The following CLNK variants were observed in gnomAD, a reference collection of about 807,000 sequenced individuals.
CLNK encodes the protein cytokine-dependent hematopoietic cell linker.
In CLNK, 74 loss-of-function variants were observed where a neutral mutation model predicts 68.6. The ratio of observed to expected loss-of-function variants is 1.08; its 90% CI spans 0.89 to 1.31. The LOEUF is 1.31. Ranked by LOEUF, CLNK falls within the 50% of genes most tolerant of loss-of-function variation. The probability of loss-of-function intolerance (pLI) is 0.00; values close to 1 mark genes in which losing one functional copy is unlikely to be tolerated. For synonymous variants in CLNK, 198 were observed against 172.2 expected, an observed-to-expected ratio of 1.15 and a Z score of -1.17; for missense variants, 553 against 515.3, an observed-to-expected ratio of 1.07 and a Z score of -0.71.
chr4:10,672,174 G>T (rs1190049446), intron 1 of CLNK, among the ~76,000 whole-genome samples: 3 of 152,170 alleles, frequency 2.0e-5, no homozygotes, highest in Admixed American at 1.3e-4. Flanking sequence ...ACGAGGAAGT[G>T]GGGGAGGGAA....
chr4:10,514,464 G>C (rs1476352630), intron 15 of CLNK, among the ~76,000 whole-genome samples: 2 of 147,966 alleles, frequency 1.4e-5, no homozygotes, highest in African/African-American at 2.5e-5. Flanking sequence ...ACAACTATCT[G>C]ATCTTTGACA....
rs149167685 is a variant in CLNK, at chr4:10,497,196, T to A, written c.1140+4060A>T. On this transcript the variant is annotated intron_variant, in intron 18 of 18. Transcript: ENST00000226951. ...ATATTGATAGCACCTACCCCAGAGG[T>A]TGGCTATGAGGATTCAATAGATCAA... 6.0e-3 allele frequency among the ~76,000 whole-genome samples: 908 copies of A among 152,260 alleles called. 3 individuals are homozygous for A. Among genetic ancestry groups the A allele is most frequent in the Middle Eastern group, 0.044 (13 of 294 alleles).
chr4:10,657,468 C>A (rs1240792466), intron 2 of CLNK, among the ~76,000 whole-genome samples: 1 of 152,096 alleles, frequency 6.6e-6, no homozygotes, highest in Non-Finnish European at 1.5e-5. Context: ...TGTATCTAAT[C>A]AACATTTAAA....
At chr4:10,732,925 C>T in the CLNK span, among the ~76,000 whole-genome samples, 3 of 152,180 alleles carry the variant, frequency 2.0e-5, no homozygotes, top group Admixed American at 1.3e-4. Context: ...ATGCTGCTCC[C>T]TTTTGGCGGG....
chr4:10,678,396 C>T (rs1465351381), intron 1 of CLNK, among the ~76,000 whole-genome samples: 1 of 152,086 alleles, frequency 6.6e-6, no homozygotes, highest in Non-Finnish European at 1.5e-5. Flanking sequence ...TGCATCAGTG[C>T]CGTGAAAAAC....
At chr4:10,579,604 T>C (rs911340063) in intron 4 of CLNK, among the ~76,000 whole-genome samples, 4 of 152,232 alleles carry the variant, frequency 2.6e-5, no homozygotes, top group African/African-American at 9.6e-5. Context: ...GGAAAGTTTT[T>C]GTTTCTTTTA....
intron 2 of CLNK, among the ~76,000 whole-genome samples, chr4:10,638,683 C>A (rs1363163139): frequency 1.3e-5 from 2 of 152,194 alleles, no homozygotes; most frequent in African/African-American, 4.8e-5. Context: ...TTGCTAGAAT[C>A]ATTTGGAGAG....
chr4:10,486,517 A>ATTG lies in CLNK; in HGVS notation c.*3949_*3950insCAA, dbSNP rs1291418942. 2.1e-5 allele frequency: 3 copies of ATTG among 141,066 alleles called. No homozygotes were observed. Among genetic ancestry groups the ATTG allele is most frequent in the African/African-American group, 9.6e-5 (3 of 31,368 alleles). The allele number at this position is 141,066 out of a possible 1,614,324, so 8.7% of individuals were successfully genotyped here. A position where few individuals can be genotyped will look rare whatever the true frequency, so the allele number is the denominator to read the frequency against. On this transcript the variant is annotated 3_prime_UTR_variant, in exon 19 of 19. Coordinates refer to ENST00000226951, the MANE Select transcript of CLNK (RefSeq NM_052964.4). ...AAAGATATACAAATATAATGCTAAT[A>ATTG]TACAATATAGGCTATCATAAAAATT... is the stretch of plus-strand genomic sequence containing the variant.
At chr4:10,644,455 G>C (rs1723432785) in intron 2 of CLNK, among the ~76,000 whole-genome samples, 1 of 152,122 alleles carries the variant, frequency 6.6e-6, no homozygotes, top group African/African-American at 2.4e-5. Context: ...TTATAGATGA[G>C]AAAAGTGAGA....
At chr4:10,557,259 C>G (rs945948523) in intron 8 of CLNK, among the ~76,000 whole-genome samples, 1 of 152,090 alleles carries the variant, frequency 6.6e-6, no homozygotes, top group Admixed American at 6.5e-5. Context: ...CAGAACCTCC[C>G]TCCACCTTCA....
At chr4:10,582,188 C>T (rs1389137164) in intron 4 of CLNK, among the ~76,000 whole-genome samples, 1 of 152,066 alleles carries the variant, frequency 6.6e-6, no homozygotes, top group Non-Finnish European at 1.5e-5. Context: ...TTCCCAACAC[C>T]CTGGGGAGAG....
chr4:10,537,858 T>G (rs1718862174), intron 11 of CLNK, among the ~76,000 whole-genome samples: 1 of 151,060 alleles, frequency 6.6e-6, no homozygotes, highest in Non-Finnish European at 1.5e-5. Context: ...CTAGGCACTT[T>G]ACAGGAATGG....
chr4:10,626,258 G>A (rs1445861740), intron 2 of CLNK, among the ~76,000 whole-genome samples: 2 of 152,208 alleles, frequency 1.3e-5, no homozygotes, highest in African/African-American at 4.8e-5. Context: ...AATGATCTGA[G>A]CAGCTTTTGT....
the CLNK span, among the ~76,000 whole-genome samples, chr4:10,698,401 A>T: frequency 3.9e-5 from 6 of 152,216 alleles, no homozygotes; most frequent in Non-Finnish European, 7.3e-5. Flanking sequence ...TTACGCCCTT[A>T]GTAAATGTTA....
At chr4:10,727,133 A>C in the CLNK span, among the ~76,000 whole-genome samples, 2 of 152,190 alleles carry the variant, frequency 1.3e-5, no homozygotes, top group Admixed American at 1.3e-4. Flanking sequence ...CAAACCGTAA[A>C]AGTATTGAAA....
intron 2 of CLNK, among the ~76,000 whole-genome samples, chr4:10,628,312 G>T (rs1368915681): frequency 1.4e-5 from 2 of 146,750 alleles, no homozygotes; most frequent in East Asian, 2.0e-4. Context: ...AGTTAGACTT[G>T]TTTTTTTTTT....
chr4:10,703,611 A>T, the CLNK span, among the ~76,000 whole-genome samples: 1 of 152,188 alleles, frequency 6.6e-6, no homozygotes, highest in Non-Finnish European at 1.5e-5. Flanking sequence ...AGGGGGATAT[A>T]TTCTGAGAAA....
At chr4:10,500,233 C>A (rs1716982656) in intron 18 of CLNK, among the ~76,000 whole-genome samples, 1 of 152,168 alleles carries the variant, frequency 6.6e-6, no homozygotes, top group Non-Finnish European at 1.5e-5. Context: ...TTACCCCTTC[C>A]TTCATCAACA....
chr4:10,514,990 A>G (rs1717765397), intron 15 of CLNK, among the ~76,000 whole-genome samples: 1 of 152,236 alleles, frequency 6.6e-6, no homozygotes, highest in African/African-American at 2.4e-5. Flanking sequence ...TAATCCCAGC[A>G]CTTCGGGAGG....
Sources: gnomAD v4.1 joint callset for allele counts (sites outside exome capture counted in the v4.1 genomes callset) on GRCh38, gnomAD v4.1.1 for gene constraint, MANE v1.5 for transcripts, NCBI Gene and HGNC (gene_info 2026-07-23, HGNC 2026-07-21) for gene names.